VDAC1: variants seen among roughly 807,000 people sequenced by gnomAD.
The protein encoded by VDAC1 is non-selective voltage-gated ion channel VDAC1.
In VDAC1, 10 loss-of-function variants were observed where a neutral mutation model predicts 34.7. The observed-to-expected ratio is 0.29, with a 90% CI of 0.18 to 0.49. The LOEUF is 0.49. Among genes scored for constraint, VDAC1 ranks in the 20% least tolerant of loss-of-function variants. The pLI, the probability that VDAC1 is intolerant of heterozygous loss-of-function variation, is 0.99. For synonymous variants in VDAC1, 130 were observed against 136.0 expected (o/e 0.96, Z 0.30); for missense variants, 230 against 347.9 (o/e 0.66, Z 2.69).
At chr5:133,994,323 C>G (rs1255109422) in intron 1 of VDAC1, among the ~76,000 whole-genome samples, 2 of 152,166 alleles carry the variant, frequency 1.3e-5, no homozygotes, top group East Asian at 3.8e-4. Context: ...TTACTTTTTC[C>G]AGATGCTTTG....
At chr5:134,086,345 T>G in the VDAC1 span, among the ~76,000 whole-genome samples, 1 of 152,134 alleles carries the variant, frequency 6.6e-6, no homozygotes, top group Non-Finnish European at 1.5e-5. Context: ...AGGCAGCCCT[T>G]GGGAGATTGC....
the VDAC1 span, among the ~76,000 whole-genome samples, chr5:134,061,899 G>T: frequency 2.0e-5 from 3 of 151,704 alleles, no homozygotes; most frequent in Non-Finnish European, 4.4e-5. Flanking sequence ...GTTTGCTGTA[G>T]GTATTTAGTA....
chr5:134,103,012 C>T, the VDAC1 span, among the ~76,000 whole-genome samples: 6 of 152,168 alleles, frequency 3.9e-5, no homozygotes, highest in African/African-American at 7.2e-5. Flanking sequence ...CTGCCCCTCC[C>T]GCAGGAGCCC....
At chr5:133,987,403 C>T (rs142701446) in intron 5 of VDAC1, among the ~76,000 whole-genome samples, 31 of 148,496 alleles carry the variant, frequency 2.1e-4, no homozygotes, top group African/African-American at 6.7e-4. Flanking sequence ...TGTAGCCAGG[C>T]GTGGTGGCTC....
chr5:134,065,966 T>A, the VDAC1 span, among the ~76,000 whole-genome samples: 1 of 151,140 alleles, frequency 6.6e-6, no homozygotes. Context: ...GCTAATTTCA[T>A]ATTTTTAGTA....
the VDAC1 span, among the ~76,000 whole-genome samples, chr5:134,111,023 C>T: frequency 6.6e-6 from 1 of 152,236 alleles, no homozygotes; most frequent in Non-Finnish European, 1.5e-5. Flanking sequence ...ATGCACCAGG[C>T]TGCTGTTCTA....
intron 8 of VDAC1, among the ~76,000 whole-genome samples, chr5:133,973,172 T>G (rs962206620): frequency 3.3e-5 from 5 of 152,208 alleles, no homozygotes; most frequent in Admixed American, 6.5e-5. Flanking sequence ...GCAGTAAGCT[T>G]CTTTGGCAAT....
the VDAC1 span, among the ~76,000 whole-genome samples, chr5:134,106,550 G>A: frequency 6.6e-6 from 1 of 151,986 alleles, no homozygotes; most frequent in Non-Finnish European, 1.5e-5. Flanking sequence ...TGGGATTACA[G>A]GTGCGCGCCT....
the VDAC1 span, among the ~76,000 whole-genome samples, chr5:134,093,551 A>G: frequency 6.6e-6 from 1 of 152,220 alleles, no homozygotes; most frequent in African/African-American, 2.4e-5. Context: ...GCCAAGCCCA[A>G]CAGACCTGTA....
At chr5:134,060,884 T>TTTTTTTTC in the VDAC1 span, among the ~76,000 whole-genome samples, 1 of 134,834 alleles carries the variant, frequency 7.4e-6, no homozygotes, top group East Asian at 2.1e-4. Context: ...CTTCTTCTTT[T>TTTTTTTTC]TTTTTTTTTT....
the VDAC1 span, among the ~76,000 whole-genome samples, chr5:134,105,852 C>T: frequency 2.0e-5 from 3 of 152,254 alleles, no homozygotes; most frequent in Admixed American, 2.0e-4. Flanking sequence ...GAAACTCCCT[C>T]TTTCTAGGAC....
At chr5:134,080,596 A>G in the VDAC1 span, among the ~76,000 whole-genome samples, 1 of 152,244 alleles carries the variant, frequency 6.6e-6, no homozygotes, top group African/African-American at 2.4e-5. Context: ...GAGGTACAGT[A>G]TCATGGGCAG....
upstream of VDAC1, among the ~76,000 whole-genome samples, chr5:134,006,751 AAAAAAAAAAC>A (rs1421023533): frequency 1.7e-4 from 19 of 114,512 alleles, no homozygotes; most frequent in Admixed American, 4.4e-4. Context: ...CCCCCCCCAA[AAAAAAAAAAC>A]AAAAAAAAAC....
the VDAC1 span, among the ~76,000 whole-genome samples, chr5:134,078,931 G>A: frequency 0.76 from 114,823 of 151,290 alleles, 44,319 homozygotes; most frequent in African/African-American, 0.9. Flanking sequence ...GATTACAGGC[G>A]TGAGCCACTG....
the VDAC1 span, among the ~76,000 whole-genome samples, chr5:134,064,438 G>A: frequency 6.6e-6 from 1 of 151,978 alleles, no homozygotes; most frequent in Non-Finnish European, 1.5e-5. Context: ...CCGAGTAGCT[G>A]GGATTACAGG....
the VDAC1 span, among the ~76,000 whole-genome samples, chr5:134,043,733 A>G: frequency 3.3e-5 from 5 of 151,892 alleles, no homozygotes; most frequent in African/African-American, 1.2e-4. Context: ...GGGTCTCATT[A>G]TGTTGCCCAA....
the VDAC1 span, among the ~76,000 whole-genome samples, chr5:134,077,597 G>A: frequency 6.6e-6 from 1 of 152,162 alleles, no homozygotes; most frequent in African/African-American, 2.4e-5. Context: ...ACTAATGTGT[G>A]TCCAACTCTG....
chr5:134,065,139 T>C, the VDAC1 span, among the ~76,000 whole-genome samples: 4 of 152,188 alleles, frequency 2.6e-5, no homozygotes, highest in African/African-American at 9.6e-5. Context: ...TTCTCTAATG[T>C]ATTCTTTAAA....
chr5:134,001,139 T>G (rs1466496418), intron 1 of VDAC1, among the ~76,000 whole-genome samples: 1 of 152,230 alleles, frequency 6.6e-6, no homozygotes, highest in Non-Finnish European at 1.5e-5. Flanking sequence ...CAAAAGGCAT[T>G]CACATCTGTT....
Sources: gnomAD v4.1 joint callset for allele counts (sites outside exome capture counted in the v4.1 genomes callset) on GRCh38, gnomAD v4.1.1 for gene constraint, MANE v1.5 for transcripts, NCBI Gene and HGNC (gene_info 2026-07-23, HGNC 2026-07-21) for gene names.